Variants in SYNE2 observed in about 807,000 individuals in gnomAD.
The protein encoded by SYNE2 is spectrin repeat containing nuclear envelope protein 2, also known as nesprin-2.
Under a neutral mutation model 856.3 loss-of-function variants are expected in SYNE2, and 431 were observed. The ratio of observed to expected loss-of-function variants is 0.50; its 90% CI spans 0.47 to 0.55. The LOEUF (loss-of-function observed/expected upper bound fraction) is 0.55, where lower values mean the gene tolerates loss of function less well. Ranked by LOEUF, SYNE2 falls within the 20% of genes least tolerant of loss-of-function variation. The probability of loss-of-function intolerance (pLI) is 0.00; values close to 1 mark genes in which losing one functional copy is unlikely to be tolerated. For synonymous variants in SYNE2, 2,923 were observed against 2,872.3 expected, an observed-to-expected ratio of 1.02 and a Z score of -0.56; for missense variants, 8,129 against 8,023.2, an observed-to-expected ratio of 1.01 and a Z score of -0.50.
At chr14:63,793,695 C>T (rs757420943) in intron 1 of SYNE2, among the ~76,000 whole-genome samples, 20 of 151,968 alleles carry the variant, frequency 1.3e-4, no homozygotes, top group African/African-American at 3.4e-4. Flanking sequence ...CCAGGGCTTC[C>T]GGAGGCCAGA....
chr14:63,995,381 A>C (rs1322430245), intron 23 of SYNE2, among the ~76,000 whole-genome samples, 179 bp downstream of exon 23: 1 of 152,124 alleles, frequency 6.6e-6, no homozygotes, highest in South Asian at 2.1e-4. Flanking sequence ...CTTACTTTTT[A>C]GAAGTGAGAA....
intron 1 of SYNE2, among the ~76,000 whole-genome samples, chr14:63,786,143 G>C (rs1292011342): frequency 6.6e-6 from 1 of 151,770 alleles, no homozygotes; most frequent in Non-Finnish European, 1.5e-5. Context: ...CCAGCTACTA[G>C]GGAGGCTGAG....
Position 64,214,409 on chromosome 14 carries a change from C to G in SYNE2, c.19272C>G (p.Asp6424Glu). Reference protein sequence around the residue: ...SIPLEWDHTGDVGGSSSHEED... With the variant: ...SIPLEWDHTGEVGGSSSHEED... Reference sequence around the variant, plus strand: ...CCCTGGAGTGGGACCACACAGGCGACGTGGGGGGCTCCTCCTCTCACGAAG... The same window carrying G: ...CCCTGGAGTGGGACCACACAGGCGAGGTGGGGGGCTCCTCCTCTCACGAAG... The change falls in exon 106 of 116, where the codon GAC (aspartate) becomes GAG (glutamate). Residue 6424 changes from aspartate (D) to glutamate (E), a missense_variant. Transcript: ENST00000555002. 1 of 1,614,070 alleles carries G rather than the reference C, an allele frequency of 6.2e-7. No homozygotes were observed.
At chr14:63,991,273 G>A (rs543912630) in intron 21 of SYNE2, among the ~76,000 whole-genome samples, 158 bp downstream of exon 21, 19 of 152,268 alleles carry the variant, frequency 1.2e-4, no homozygotes, top group South Asian at 1.2e-3. Context: ...GTTATTAAAC[G>A]TAAGTATTCA....
chr14:64,022,826 C>T lies in SYNE2; in HGVS notation c.5600C>T (p.Thr1867Ile). 6.2e-7 allele frequency: 1 copy of T among 1,607,670 alleles called. No individual in the cohort carries two copies. Among genetic ancestry groups the T allele is most frequent in the Non-Finnish European group, 8.5e-7 (1 of 1,176,286 alleles). ...NLKECFESSE[T>I]KKSVEQKLQK... is the part of the protein sequence containing the mutation. The stretch of plus-strand genomic sequence containing the variant: ...AAGGAGTGTTTTGAATCATCAGAAA[C>T]AAAAAAGAGTGTGGAACAAAAGCTA... Residue 1867 changes from threonine to isoleucine, a missense_variant, in exon 38 of 116, where the codon ACA becomes ATA. Thr to Ile is a moderately conservative substitution (Grantham distance 89). Transcript: ENST00000555002.
At chr14:64,159,535 TC>T (rs1268371199) in intron 87 of SYNE2, 93 bp downstream of exon 87, 11 of 1,418,870 alleles carry the variant, frequency 7.8e-6, no homozygotes, top group Non-Finnish European at 9.7e-6. Flanking sequence ...GTCTTCTTCC[TC>T]CTCTGAGATG....
chr14:63,905,556 T>C (rs2095397608), intron 1 of SYNE2, among the ~76,000 whole-genome samples: 1 of 152,170 alleles, frequency 6.6e-6, no homozygotes, highest in South Asian at 2.1e-4. Context: ...TTCATCATCT[T>C]TGTGGCTATT....
rs377355137 is a variant in SYNE2, at chr14:64,126,728, G to C, written c.13838G>C (p.Cys4613Ser). 6.8e-6 allele frequency: 11 copies of C among 1,614,064 alleles called. No individual in the cohort carries two copies. The African/African-American group carries it at 1.5e-4, about 22-fold the overall frequency. The change falls in exon 73 of 116, where the codon TGC becomes TCC. Residue 4613 changes from cysteine (C) to serine (S), a missense_variant. Transcript: ENST00000555002. ...LLECFDNLQV[C>S]LEHTQAAAVC... ...GAATGTTTTGACAACCTTCAAGTCT[G>C]CCTGGAGCACACTCAGGCTGCAGCT... is the stretch of plus-strand genomic sequence containing the variant.
intron 1 of SYNE2, among the ~76,000 whole-genome samples, chr14:63,895,476 A>G (rs988391612): frequency 7.3e-5 from 11 of 150,910 alleles, no homozygotes; most frequent in African/African-American, 2.7e-4. Context: ...TTTGTGGCCC[A>G]GGAAGGGTGG....
chr14:63,844,339 T>C (rs1241646816), intron 1 of SYNE2, among the ~76,000 whole-genome samples: 1 of 152,236 alleles, frequency 6.6e-6, no homozygotes, highest in African/African-American at 2.4e-5. Context: ...TGTCTTTTCA[T>C]GGTTTGGTAG....
intron 78 of SYNE2, among the ~76,000 whole-genome samples, chr14:64,135,218 T>G (rs955204812): frequency 5.3e-5 from 8 of 152,174 alleles, no homozygotes; most frequent in Non-Finnish European, 1.0e-4. Context: ...CGTCAGAATC[T>G]GAGTTGTGCG....
In SYNE2 at chr14:64,056,250, G is replaced by C. The variant is rs750654159; in HGVS notation, c.10051G>C (p.Glu3351Gln). The part of the protein sequence containing the change: ...SAMKEAFKAQ[E>Q]TEAERYLENY... ...AATGAAGGAAGCTTTCAAAGCACAG[G>C]AAACTGAGGCAGAAAGGTAGGTCCT... The change falls in exon 49 of 116, where the codon GAA becomes CAA. Residue 3351 changes from glutamate to glutamine, a missense_variant. Around this residue, in one of 3 missense-constraint regions of SYNE2, gnomAD observed 5,410 missense variants for 5,284.8 expected, o/e 1.02. Transcript: ENST00000555002. The C allele has an allele frequency of 1.2e-5, 19 of 1,613,916 alleles. No individual in the cohort carries two copies. The African/African-American group carries it at 1.7e-4, about 15-fold the overall frequency.
At chr14:63,850,373 T>A (rs1269747923), upstream of SYNE2, among the ~76,000 whole-genome samples, 1 of 150,988 alleles carries the variant, frequency 6.6e-6, no homozygotes, top group East Asian at 2.0e-4. Context: ...CAGGTGGGAG[T>A]CACTGCACCT....
At chr14:64,172,493 TA>T (rs1227784398) in intron 94 of SYNE2, among the ~76,000 whole-genome samples, 1 of 152,208 alleles carries the variant, frequency 6.6e-6, no homozygotes, top group African/African-American at 2.4e-5. Context: ...AGACTTCTTA[TA>T]TGGTACCCCA....
intron 45 of SYNE2, among the ~76,000 whole-genome samples, chr14:64,042,272 G>T (rs757547359): frequency 6.6e-6 from 1 of 152,152 alleles, no homozygotes; most frequent in Non-Finnish European, 1.5e-5. Flanking sequence ...AACCCATAAA[G>T]CAATGTTATA....
At chr14:64,174,744 C>A (rs1392161517) in intron 94 of SYNE2, among the ~76,000 whole-genome samples, 200 bp from the exon 95 acceptor site, 1 of 152,180 alleles carries the variant, frequency 6.6e-6, no homozygotes, top group African/African-American at 2.4e-5. Flanking sequence ...AAGAACACCT[C>A]ACTTAGTGGT....
intron 1 of SYNE2, among the ~76,000 whole-genome samples, chr14:63,897,933 A>T (rs1369953093): frequency 6.6e-6 from 1 of 152,210 alleles, no homozygotes; most frequent in Non-Finnish European, 1.5e-5. Flanking sequence ...CATGTTTTGC[A>T]AACCACAAAT....
chr14:64,018,309 G>C (rs561555911), intron 34 of SYNE2, among the ~76,000 whole-genome samples: 5 of 152,126 alleles, frequency 3.3e-5, no homozygotes, highest in African/African-American at 1.2e-4. Context: ...GCACGATCTC[G>C]GCTCACTGCA....
rs1314846766 is a variant in SYNE2, at chr14:63,995,143, A to C, written c.2881A>C (p.Asn961His). Residue 961 changes from asparagine to histidine, a missense_variant, in exon 23 of 116, where the codon AAT becomes CAT. Physicochemically the swap from Asn to His is moderately conservative, Grantham distance 68. Transcript: ENST00000555002. ...TATTTTAAAACTTGAAAAGCAAATA[A>C]ATAAAGAAAAGAAACTTATCCGTAG... ...DNILKLEKQI[N>H]KEKKLIRRGR... 1 of 1,605,344 alleles carries C rather than the reference A, an allele frequency of 6.2e-7. No homozygotes were observed. The highest frequency in any genetic ancestry group is 8.5e-7 in the Non-Finnish European group (1 of 1,175,924).
Sources: gnomAD v4.1 joint callset for allele counts (sites outside exome capture counted in the v4.1 genomes callset) on GRCh38, gnomAD v4.1.1 for gene constraint, gnomAD v4.1.1 regional missense constraint, MANE v1.5 for transcripts, NCBI Gene and HGNC (gene_info 2026-07-23, HGNC 2026-07-21) for gene names.